The following LOC400499 variants were observed in gnomAD, a reference collection of about 807,000 sequenced individuals.
the LOC400499 span, chr16:11,494,689 A>G: frequency 2.5e-5 from 10 of 399,294 alleles, no homozygotes; most frequent in Non-Finnish European, 4.4e-5. Context: ...CCAGAGAAGC[A>G]CAGAGGTTGT....
chr16:11,475,630 C>A, the LOC400499 span: 2 of 399,112 alleles, frequency 5.0e-6, no homozygotes, highest in Non-Finnish European at 4.4e-6. Context: ...CTACCTTCCT[C>A]ACCAGTACAG....
the LOC400499 span, among the ~76,000 whole-genome samples, chr16:11,425,674 A>G: frequency 6.6e-6 from 1 of 152,156 alleles, no homozygotes; most frequent in Admixed American, 6.5e-5. Flanking sequence ...ACAGCTCTAT[A>G]TTTATATAGA....
At chr16:11,440,575 A>G in the LOC400499 span, 14 of 397,156 alleles carry the variant, frequency 3.5e-5, no homozygotes, top group Non-Finnish European at 4.9e-5. Flanking sequence ...GACTAATCAC[A>G]CACACACTGC....
chr16:11,517,589 CG>C, the LOC400499 span, among the ~76,000 whole-genome samples: 8 of 152,164 alleles, frequency 5.3e-5, no homozygotes, highest in African/African-American at 1.9e-4. Flanking sequence ...GCAGAAACCC[CG>C]AACTGGAAGT....
chr16:11,477,601 T>A, the LOC400499 span, among the ~76,000 whole-genome samples: 1 of 152,216 alleles, frequency 6.6e-6, no homozygotes, highest in African/African-American at 2.4e-5. Flanking sequence ...CGTACTGCGG[T>A]GTGACCTTGA....
At chr16:11,459,447 C>T in the LOC400499 span, among the ~76,000 whole-genome samples, 1 of 152,028 alleles carries the variant, frequency 6.6e-6, no homozygotes, top group Admixed American at 6.6e-5. Flanking sequence ...CCGCCCGCCT[C>T]GGCCTCCCAA....
At chr16:11,516,061 C>G in the LOC400499 span, 7 of 399,392 alleles carry the variant, frequency 1.8e-5, no homozygotes, top group Non-Finnish European at 3.1e-5. Flanking sequence ...CCAGGATGTC[C>G]ACCTGGGCAG....
At chr16:11,373,912 G>C in the LOC400499 span, among the ~76,000 whole-genome samples, 2 of 152,160 alleles carry the variant, frequency 1.3e-5, no homozygotes, top group African/African-American at 4.8e-5. Flanking sequence ...GAGTGACCTT[G>C]CCTGGCCGGG....
At chr16:11,389,937 T>C in the LOC400499 span, among the ~76,000 whole-genome samples, 2 of 152,290 alleles carry the variant, frequency 1.3e-5, no homozygotes, top group Admixed American at 6.5e-5. Flanking sequence ...GAGGTATCTA[T>C]GGAGTGAGGA....
the LOC400499 span, chr16:11,402,228 G>C: frequency 5.0e-6 from 2 of 398,824 alleles, no homozygotes; most frequent in Non-Finnish European, 8.8e-6. Flanking sequence ...GGCCCAAGGG[G>C]GTTCAGGGGA....
the LOC400499 span, among the ~76,000 whole-genome samples, chr16:11,502,917 C>CTTTTTTTTTTT: frequency 2.0e-5 from 2 of 98,046 alleles, no homozygotes; most frequent in Non-Finnish European, 3.8e-5. Flanking sequence ...CCTGGACCAC[C>CTTTTTTTTTTT]TTTTTTTTTT....
At chr16:11,415,224 C>T in the LOC400499 span, among the ~76,000 whole-genome samples, 2 of 152,212 alleles carry the variant, frequency 1.3e-5, no homozygotes, top group African/African-American at 4.8e-5. Flanking sequence ...TTAGGAGTTT[C>T]TTCTTTGACT....
chr16:11,490,089 G>A, the LOC400499 span, among the ~76,000 whole-genome samples: 1 of 152,126 alleles, frequency 6.6e-6, no homozygotes, highest in Admixed American at 6.6e-5. Flanking sequence ...TCCTAGACAT[G>A]CTAAAGACAA....
chr16:11,434,353 T>A, the LOC400499 span, among the ~76,000 whole-genome samples: 2 of 152,104 alleles, frequency 1.3e-5, no homozygotes, highest in African/African-American at 2.4e-5. Context: ...AAGACCCCGT[T>A]CCTACAAAAA....
chr16:11,415,004 G>A, the LOC400499 span, among the ~76,000 whole-genome samples: 3 of 152,188 alleles, frequency 2.0e-5, no homozygotes, highest in African/African-American at 4.8e-5. Context: ...GGTGCAGTGA[G>A]TGCTTTCTGA....
the LOC400499 span, among the ~76,000 whole-genome samples, chr16:11,416,868 G>A: frequency 6.6e-6 from 1 of 152,158 alleles, no homozygotes; most frequent in Non-Finnish European, 1.5e-5. Context: ...AGTAGGGCTG[G>A]GGGCTGGGAG....
chr16:11,423,932 T>C, the LOC400499 span, among the ~76,000 whole-genome samples: 1 of 152,060 alleles, frequency 6.6e-6, no homozygotes, highest in Non-Finnish European at 1.5e-5. Context: ...CACCAGCCCC[T>C]GGCGGCCACC....
the LOC400499 span, chr16:11,417,885 G>C: frequency 2.5e-6 from 1 of 398,554 alleles, no homozygotes; most frequent in Non-Finnish European, 4.4e-6. Context: ...TGCAGAGAGA[G>C]CCAGCCTGGG....
the LOC400499 span, chr16:11,424,246 C>G: frequency 2.5e-6 from 1 of 399,134 alleles, no homozygotes. Flanking sequence ...CCAATGGCAC[C>G]GTCTAGCTGA....
Sources: gnomAD v4.1 joint callset for allele counts (sites outside exome capture counted in the v4.1 genomes callset) on GRCh38, gnomAD v4.1.1 for gene constraint, MANE v1.5 for transcripts.